Variants in GFRAL observed in about 807,000 individuals in gnomAD.
GFRAL encodes GDNF family receptor alpha like.
A neutral mutation model predicts 45.4 loss-of-function variants in GFRAL; 36 were observed. The ratio of observed to expected loss-of-function variants is 0.79; its 90% CI spans 0.61 to 1.05. The LOEUF is 1.05. GFRAL is among the 50% of genes least tolerant of loss of function. The probability of loss-of-function intolerance (pLI) is 0.00; values close to 1 mark genes in which losing one functional copy is unlikely to be tolerated. For synonymous variants in GFRAL, 166 were observed against 154.1 expected, an observed-to-expected ratio of 1.08 and a Z score of -0.57; for missense variants, 507 against 467.5, an observed-to-expected ratio of 1.08 and a Z score of -0.78.
intron 3 of GFRAL, among the ~76,000 whole-genome samples, chr6:55,338,121 C>T (rs1162448555): frequency 6.6e-6 from 1 of 152,052 alleles, no homozygotes; most frequent in African/African-American, 2.4e-5. Context: ...GGCAGAGTCT[C>T]TCTCTGTCGC....
At chr6:55,399,577 T>C (rs1768869997) in intron 8 of GFRAL, 136 bp downstream of exon 8, 1 of 629,566 alleles carries the variant, frequency 1.6e-6, no homozygotes. Context: ...AATCAAGTTT[T>C]ATGTGGCATA....
chr6:55,396,340 G>A (rs1235234497), intron 6 of GFRAL, among the ~76,000 whole-genome samples: 2 of 152,140 alleles, frequency 1.3e-5, no homozygotes, highest in African/African-American at 2.4e-5. Flanking sequence ...TGCTAGGTGA[G>A]TGTTTAACAA....
At position 55,351,535 on chromosome 6, in the gene GFRAL, C is replaced by T. The variant is rs146916331; in HGVS notation, c.653C>T (p.Pro218Leu). Reference sequence around the variant, plus strand: ...TGTGCAGTGAACATGGTTCCACCCCCTACTTGCCTCAGTGTAATTCGCAGC... The same window carrying T: ...TGTGCAGTGAACATGGTTCCACCCCTTACTTGCCTCAGTGTAATTCGCAGC... ...KTCAVNMVPP[P>L]TCLSVIRSCQ... Residue 218 changes from proline (P) to leucine (L), a missense_variant, in exon 5 of 9, where the codon CCT (proline) becomes CTT (leucine). Physicochemically the swap from Pro to Leu is moderately conservative, Grantham distance 98. Transcript: ENST00000340465. 6 of 1,607,694 alleles carry T rather than the reference C, an allele frequency of 3.7e-6. No individual in the cohort carries two copies. The African/African-American group carries it at 8.0e-5, about 22-fold the overall frequency.
At chr6:55,346,378 C>G (rs1187015353) in intron 3 of GFRAL, among the ~76,000 whole-genome samples, 1 of 152,116 alleles carries the variant, frequency 6.6e-6, no homozygotes, top group Non-Finnish European at 1.5e-5. Flanking sequence ...AGGATGAGTT[C>G]ATGTCCTTTG....
chr6:55,391,165 G>C (rs1241598916), intron 6 of GFRAL, among the ~76,000 whole-genome samples: 2 of 151,960 alleles, frequency 1.3e-5, no homozygotes, highest in Non-Finnish European at 2.9e-5. Flanking sequence ...TCTTGGATTT[G>C]CATAGCCAAG....
intron 6 of GFRAL, among the ~76,000 whole-genome samples, chr6:55,397,905 T>G (rs1211914352): frequency 6.6e-6 from 1 of 152,204 alleles, no homozygotes; most frequent in African/African-American, 2.4e-5. Flanking sequence ...TAGTATCTTT[T>G]CTATGTTTAT....
chr6:55,358,403 T>C (rs1346109588), intron 5 of GFRAL, among the ~76,000 whole-genome samples: 1 of 151,946 alleles, frequency 6.6e-6, no homozygotes, highest in African/African-American at 2.4e-5. Context: ...CCTCACAACA[T>C]ATTGTAAATT....
rs751329340 is a variant in GFRAL at position 55,351,362 on chromosome 6, T to A, written c.480T>A (p.Asn160Lys). The stretch of plus-strand genomic sequence containing the variant: ...TTAAAGCTTGCTCAGCAAATGGAAA[T>A]CCGTGTGATCTGAAACAGTGCCAAG... ...SYLKACSANG[N>K]PCDLKQCQAA... Residue 160 changes from asparagine to lysine, a missense_variant, in exon 5 of 9, where the codon AAT becomes AAA. Coordinates refer to ENST00000340465, the MANE Select transcript of GFRAL (RefSeq NM_207410.2). 6.2e-7 allele frequency: 1 copy of A among 1,613,602 alleles called. No homozygotes were observed. The highest frequency in any genetic ancestry group is 8.5e-7 in the Non-Finnish European group (1 of 1,179,692).
intron 6 of GFRAL, among the ~76,000 whole-genome samples, chr6:55,363,004 A>G (rs1768298199): frequency 6.6e-6 from 1 of 151,330 alleles, no homozygotes; most frequent in African/African-American, 2.4e-5. Context: ...AGGAAGGAGG[A>G]AAAGAACAAG....
At chr6:55,389,605 T>C (rs11966825) in intron 6 of GFRAL, among the ~76,000 whole-genome samples, 9,359 of 152,194 alleles carry the variant, frequency 0.061, 463 homozygotes, top group African/African-American at 0.14. Flanking sequence ...AACTGGAGCA[T>C]CAATGAGTCA....
intron 5 of GFRAL, among the ~76,000 whole-genome samples, chr6:55,356,390 G>A (rs1433808447): frequency 6.6e-6 from 1 of 151,902 alleles, no homozygotes; most frequent in African/African-American, 2.4e-5. Context: ...CTCATTACTT[G>A]TTATTGGTCT....
intron 3 of GFRAL, among the ~76,000 whole-genome samples, chr6:55,343,984 A>G (rs1202531727): frequency 2.0e-5 from 3 of 152,222 alleles, no homozygotes; most frequent in Non-Finnish European, 4.4e-5. Flanking sequence ...AGACTAAACC[A>G]GGAAAAAGTT....
intron 6 of GFRAL, among the ~76,000 whole-genome samples, chr6:55,364,045 G>C (rs9767102): frequency 7.7e-6 from 1 of 129,992 alleles, no homozygotes; most frequent in African/African-American, 3.2e-5. Flanking sequence ...CTAGTTTACT[G>C]TCCCACCAAC....
chr6:55,332,307 ACAAG>A (rs373148162), intron 2 of GFRAL, among the ~76,000 whole-genome samples: 1,985 of 152,300 alleles, frequency 0.013, 22 homozygotes, highest in Non-Finnish European at 0.022. Flanking sequence ...TATGTCAAGA[ACAAG>A]TAAAGCTATA....
At chr6:55,364,724 G>A (rs1372828572) in intron 6 of GFRAL, among the ~76,000 whole-genome samples, 6 of 151,502 alleles carry the variant, frequency 4.0e-5, no homozygotes, top group Non-Finnish European at 5.9e-5. Context: ...GTTTTTCTCA[G>A]GTTTGTCAAA....
rs560946946 is a variant in GFRAL, at chr6:55,334,672, A to G, written c.316+728A>G. ...CAAGAGGTAGATTTACCTCTCATCT[A>G]CACGGAATGGTCTCATCGTCCAATC... On this transcript the variant is annotated intron_variant, in intron 3 of 8. Coordinates refer to ENST00000340465, the MANE Select transcript of GFRAL (RefSeq NM_207410.2). Among the ~76,000 whole-genome samples, 44 of 98,826 alleles carry G rather than the reference A, an allele frequency of 4.5e-4. No individual in the cohort carries two copies. The South Asian group carries it at 7.4e-3, about 17-fold the overall frequency. 64.8% of individuals were successfully genotyped at this position (98,826 alleles called of 152,430 possible).
chr6:55,373,055 A>G (rs1289997474), intron 6 of GFRAL, among the ~76,000 whole-genome samples: 1 of 150,332 alleles, frequency 6.7e-6, no homozygotes, highest in Non-Finnish European at 1.5e-5. Flanking sequence ...CCCACTATAA[A>G]CCTACATATA....
chr6:55,367,377 G>A (rs866661601), intron 6 of GFRAL, among the ~76,000 whole-genome samples: 1 of 143,396 alleles, frequency 7.0e-6, no homozygotes, highest in Non-Finnish European at 1.5e-5. Context: ...CACGCTGATG[G>A]GTCTTGACTC....
At chr6:55,344,987 A>G (rs1002544786) in intron 3 of GFRAL, among the ~76,000 whole-genome samples, 1 of 152,230 alleles carries the variant, frequency 6.6e-6, no homozygotes, top group African/African-American at 2.4e-5. Flanking sequence ...CTTACAAGGG[A>G]TGTGAAGGAC....
Sources: gnomAD v4.1 joint callset for allele counts (sites outside exome capture counted in the v4.1 genomes callset) on GRCh38, gnomAD v4.1.1 for gene constraint, MANE v1.5 for transcripts, NCBI Gene and HGNC (gene_info 2026-07-23, HGNC 2026-07-21) for gene names.